PIK3C2G: variants seen among roughly 807,000 people sequenced by gnomAD.
PIK3C2G encodes phosphatidylinositol 3-kinase C2 domain-containing subunit gamma.
Under a neutral mutation model 181.1 loss-of-function variants are expected in PIK3C2G, and 168 were observed. The observed-to-expected ratio is 0.93, with a 90% CI of 0.82 to 1.05. The LOEUF (loss-of-function observed/expected upper bound fraction) is 1.05. PIK3C2G is among the 50% of genes least tolerant of loss of function. The pLI, the probability that PIK3C2G is intolerant of heterozygous loss-of-function variation, is 0.00. For synonymous variants in PIK3C2G, 573 were observed against 592.2 expected, an observed-to-expected ratio of 0.97 and a Z score of 0.47; for missense variants, 1,869 against 1,732.8, an observed-to-expected ratio of 1.08 and a Z score of -1.40.
intron 10 of PIK3C2G, among the ~76,000 whole-genome samples, chr12:18,346,186 T>C (rs935216219): frequency 6.6e-6 from 1 of 152,222 alleles, no homozygotes; most frequent in Non-Finnish European, 1.5e-5. Context: ...ACATTGTATA[T>C]GATTAGTGTT....
chr12:18,414,551 CAT>C lies in PIK3C2G; in HGVS notation c.2316-6388_2316-6387del, dbSNP rs143640374. 7.0e-3 allele frequency among the ~76,000 whole-genome samples: 1,065 copies of C among 152,130 alleles called. 6 individuals are homozygous for C. Among genetic ancestry groups the C allele is most frequent in the African/African-American group, 0.019 (778 of 41,498 alleles). ...TTTAAGGAATGCATATATTCCATCA[CAT>C]AGTTATATCATATTTAATTTAACTA... On this transcript the variant is annotated intron_variant, in intron 16 of 32. Coordinates refer to ENST00000538779, the MANE Select transcript of PIK3C2G (RefSeq NM_001288772.2).
At chr12:18,667,402 G>T in the PIK3C2G span, among the ~76,000 whole-genome samples, 2 of 152,058 alleles carry the variant, frequency 1.3e-5, no homozygotes, top group Admixed American at 6.5e-5. Context: ...AAGATTACCT[G>T]TATCTATCTG....
At chr12:18,346,380 T>A (rs960962996) in intron 10 of PIK3C2G, among the ~76,000 whole-genome samples, 2 of 152,184 alleles carry the variant, frequency 1.3e-5, no homozygotes, top group African/African-American at 2.4e-5. Flanking sequence ...AATAATTTTT[T>A]AAATTCCAAA....
chr12:18,341,503 T>A (rs1232734221), intron 9 of PIK3C2G, among the ~76,000 whole-genome samples: 1 of 152,170 alleles, frequency 6.6e-6, no homozygotes, highest in Non-Finnish European at 1.5e-5. Context: ...ATAAGGAGTT[T>A]ATTTAATATA....
intron 13 of PIK3C2G, among the ~76,000 whole-genome samples, chr12:18,375,248 A>G (rs1344609427): frequency 1.3e-5 from 2 of 152,232 alleles, no homozygotes; most frequent in Non-Finnish European, 2.9e-5. Context: ...GTAAAGGCTG[A>G]CAAGGTCTCA....
intron 18 of PIK3C2G, among the ~76,000 whole-genome samples, chr12:18,448,140 CT>C (rs1947132482): frequency 6.6e-6 from 1 of 151,994 alleles, no homozygotes; most frequent in South Asian, 2.1e-4. Flanking sequence ...GCAAAAAGTG[CT>C]TTTTTGATTA....
the PIK3C2G span, among the ~76,000 whole-genome samples, chr12:18,700,793 G>C: frequency 6.6e-6 from 1 of 152,008 alleles, no homozygotes; most frequent in African/African-American, 2.4e-5. Flanking sequence ...TTGGTTTTGT[G>C]TCACATGCAA....
intron 11 of PIK3C2G, among the ~76,000 whole-genome samples, chr12:18,349,279 A>C (rs1565624351): frequency 1.3e-5 from 2 of 152,180 alleles, no homozygotes; most frequent in East Asian, 3.9e-4. Flanking sequence ...ACCAGGCCAG[A>C]GGTATCTCCA....
chr12:18,505,002 A>T (rs1941728214), intron 23 of PIK3C2G, among the ~76,000 whole-genome samples: 1 of 152,222 alleles, frequency 6.6e-6, no homozygotes. Context: ...TGACACTAGG[A>T]AACCTCTCTA....
At chr12:18,705,584 G>A in the PIK3C2G span, among the ~76,000 whole-genome samples, 1 of 152,140 alleles carries the variant, frequency 6.6e-6, no homozygotes, top group Non-Finnish European at 1.5e-5. Flanking sequence ...AAATTATACT[G>A]GCCAGGCTCA....
the PIK3C2G span, among the ~76,000 whole-genome samples, chr12:18,713,329 T>C: frequency 1.3e-5 from 2 of 152,106 alleles, no homozygotes; most frequent in Admixed American, 1.3e-4. Context: ...CCATATAATT[T>C]TACTTATGGT....
Position 18,495,410 on chromosome 12 carries a change from T to C in PIK3C2G, c.2794-652T>C, listed in dbSNP as rs140662880. Among the ~76,000 whole-genome samples the C allele has an allele frequency of 3.1e-3, 469 of 152,204 alleles. 1 individual carries two copies. The highest frequency in any genetic ancestry group is 0.01 in the African/African-American group (422 of 41,566). On this transcript the variant is annotated intron_variant, in intron 20 of 32. Coordinates refer to ENST00000538779, the MANE Select transcript of PIK3C2G (RefSeq NM_001288772.2). ...TGGAAATGAGAAGACAAAATATATG[T>C]TGTACTGCTATTTATAAAAAACAAG...
At chr12:18,602,237 G>T (rs895096872) in intron 30 of PIK3C2G, among the ~76,000 whole-genome samples, 1 of 151,976 alleles carries the variant, frequency 6.6e-6, no homozygotes, top group African/African-American at 2.4e-5. Context: ...GTGGGAGCTG[G>T]GTGAGGCCTG....
chr12:18,292,695 T>G (rs1264656510), intron 4 of PIK3C2G, among the ~76,000 whole-genome samples: 1 of 152,170 alleles, frequency 6.6e-6, no homozygotes, highest in African/African-American at 2.4e-5. Context: ...CTATAGCATG[T>G]CTACATTTTG....
chr12:18,520,872 T>A (rs1942867669), intron 24 of PIK3C2G, among the ~76,000 whole-genome samples: 1 of 152,166 alleles, frequency 6.6e-6, no homozygotes, highest in African/African-American at 2.4e-5. Flanking sequence ...AAATTCTTCG[T>A]GAGTTTGTCT....
rs148338149 is a variant in PIK3C2G at position 18,277,394 on chromosome 12, G to A, written c.-78-4610G>A. On this transcript the variant is annotated intron_variant, in intron 1 of 32. Coordinates refer to ENST00000538779, the MANE Select transcript of PIK3C2G (RefSeq NM_001288772.2). ...CAGAGCCCTCTCAGTAACCAGGTCA[G>A]CCGCCATAGTTACAGACTTCCTTTC... 5.3e-3 allele frequency among the ~76,000 whole-genome samples: 800 copies of A among 152,216 alleles called. 5 individuals carry two copies. The highest frequency in any genetic ancestry group is 0.018 in the African/African-American group (766 of 41,522).
At chr12:18,336,374 C>A (rs971494645) in intron 8 of PIK3C2G, among the ~76,000 whole-genome samples, 57 of 152,192 alleles carry the variant, frequency 3.7e-4, no homozygotes, top group African/African-American at 1.3e-3. Context: ...CTATGATGTT[C>A]TTCTGAATGA....
chr12:18,398,687 G>T (rs1944040635), intron 15 of PIK3C2G, among the ~76,000 whole-genome samples: 1 of 152,146 alleles, frequency 6.6e-6, no homozygotes, highest in African/African-American at 2.4e-5. Context: ...CCTAGATTTA[G>T]ATCTTTTATT....
chr12:18,544,561 T>C (rs1334233690), intron 25 of PIK3C2G, among the ~76,000 whole-genome samples: 1 of 151,762 alleles, frequency 6.6e-6, no homozygotes. Flanking sequence ...GTGTTTTTAA[T>C]AGAATGAAGT....
Sources: gnomAD v4.1 joint callset for allele counts (sites outside exome capture counted in the v4.1 genomes callset) on GRCh38, gnomAD v4.1.1 for gene constraint, MANE v1.5 for transcripts, NCBI Gene and HGNC (gene_info 2026-07-23, HGNC 2026-07-21) for gene names.